SMIM31: variants seen among roughly 807,000 people sequenced by gnomAD.
SMIM31 encodes small integral membrane protein 31, also known as human epithelial cell program regulator.
chr4:164,790,519 G>A (rs887594063), intron 2 of SMIM31, among the ~76,000 whole-genome samples: 1 of 152,036 alleles, frequency 6.6e-6, no homozygotes, highest in African/African-American at 2.4e-5. Flanking sequence ...AAACTCTTAT[G>A]ACTAGAAATA....
chr4:164,779,015 C>T (rs958196712), intron 2 of SMIM31, among the ~76,000 whole-genome samples: 3 of 151,184 alleles, frequency 2.0e-5, no homozygotes, highest in Non-Finnish European at 4.4e-5. Flanking sequence ...AAAACTCCAG[C>T]GCATCAGCTA....
chr4:164,787,983 T>A (rs970890601), intron 2 of SMIM31, among the ~76,000 whole-genome samples: 1 of 152,086 alleles, frequency 6.6e-6, no homozygotes, highest in Non-Finnish European at 1.5e-5. Context: ...CCTGCCTAGG[T>A]TCTACACTCA....
At chr4:164,758,465 C>T (rs1440104607) in intron 1 of SMIM31, among the ~76,000 whole-genome samples, 1 of 152,038 alleles carries the variant, frequency 6.6e-6, no homozygotes, top group African/African-American at 2.4e-5. Context: ...AATAGTCCAC[C>T]TTTAAGTATG....
chr4:164,772,003 G>A (rs1342017410), intron 2 of SMIM31, among the ~76,000 whole-genome samples: 1 of 152,068 alleles, frequency 6.6e-6, no homozygotes, highest in East Asian at 1.9e-4. Flanking sequence ...AAAAAACAAC[G>A]GAAATTTTTA....
Position 164,801,619 on chromosome 4 carries a change from T to A in SMIM31, c.*425T>A, listed in dbSNP as rs766099505. On this transcript the variant is annotated 3_prime_UTR_variant, in exon 3 of 3. Coordinates refer to ENST00000507311, the MANE Select transcript of SMIM31 (RefSeq NM_001352885.1). Reference sequence around the variant, plus strand: ...CCTAACAAATGATAATGAAAAGCTATAAGTAACTGTGTTATTGCTTCCGTA... The same window carrying A: ...CCTAACAAATGATAATGAAAAGCTAAAAGTAACTGTGTTATTGCTTCCGTA... 1.3e-5 allele frequency: 2 copies of A among 152,808 alleles called. No homozygotes were observed. Among genetic ancestry groups the A allele is most frequent in the Non-Finnish European group, 2.9e-5 (2 of 68,514 alleles). 9.5% of individuals were successfully genotyped at this position (152,808 alleles called of 1,614,324 possible). A position where few individuals can be genotyped will look rare whatever the true frequency, so the allele number is the denominator to read the frequency against.
At chr4:164,759,774 A>G (rs527918135) in intron 1 of SMIM31, among the ~76,000 whole-genome samples, 1 of 152,316 alleles carries the variant, frequency 6.6e-6, no homozygotes, top group African/African-American at 2.4e-5. Flanking sequence ...AGCAAACAAA[A>G]CACACAAAAA....
chr4:164,761,524 G>C (rs1317785930), intron 1 of SMIM31, among the ~76,000 whole-genome samples: 4 of 152,188 alleles, frequency 2.6e-5, no homozygotes, highest in Non-Finnish European at 5.9e-5. Flanking sequence ...TAGTTGCAAA[G>C]AGTTGGGTCA....
At chr4:164,772,366 C>T (rs1432087069) in intron 2 of SMIM31, among the ~76,000 whole-genome samples, 1 of 152,124 alleles carries the variant, frequency 6.6e-6, no homozygotes, top group African/African-American at 2.4e-5. Flanking sequence ...TCTCACCAGG[C>T]CCCACCTTCA....
intron 1 of SMIM31, among the ~76,000 whole-genome samples, chr4:164,766,625 C>T (rs1732723629): frequency 6.6e-6 from 1 of 151,750 alleles, no homozygotes; most frequent in South Asian, 2.1e-4. Context: ...GGTGAAACCC[C>T]ATCTCTACTA....
chr4:164,782,368 CTTTCTTTTAT>C (rs1195485685), intron 2 of SMIM31, among the ~76,000 whole-genome samples: 7 of 145,680 alleles, frequency 4.8e-5, no homozygotes, highest in African/African-American at 1.6e-4. Context: ...TACTTTATCT[CTTTCTTTTAT>C]TTTTTTTTTT....
chr4:164,795,063 T>C (rs1445454445), intron 2 of SMIM31, among the ~76,000 whole-genome samples: 1 of 152,060 alleles, frequency 6.6e-6, no homozygotes, highest in Non-Finnish European at 1.5e-5. Flanking sequence ...TACTAATAAA[T>C]CTCTATTTTT....
chr4:164,788,478 C>CTTTTTTTTTTTTTTTTTTTTTTT lies in SMIM31; in HGVS notation c.113-12607_113-12585dup, dbSNP rs72177805. Among the ~76,000 whole-genome samples, 219 of 58,194 alleles carry CTTTTTTTTTTTTTTTTTTTTTTT rather than the reference C, an allele frequency of 3.8e-3. 44 individuals carry two copies. The highest frequency in any genetic ancestry group is 4.8e-3 in the Non-Finnish European group (150 of 31,094). The allele number at this position is 58,194 out of a possible 152,430, so 38.2% of individuals were successfully genotyped here. A position where few individuals can be genotyped will look rare whatever the true frequency, so the allele number is the denominator to read the frequency against. On this transcript the variant is annotated intron_variant, in intron 2 of 2. Transcript: ENST00000507311. ...ATAAAATTTCTTTCTTCTAATTTTTCTTTTTTTTTTTTTTTTTTTTTTTTT... is the reference window on the plus strand; with the variant it reads ...ATAAAATTTCTTTCTTCTAATTTTTCTTTTTTTTTTTTTTTTTTTTTTTTTTTTTTTTTTTTTTTTTTTTTTTT...
chr4:164,767,810 T>C (rs981653709), intron 1 of SMIM31, among the ~76,000 whole-genome samples: 21 of 152,222 alleles, frequency 1.4e-4, no homozygotes, highest in Non-Finnish European at 2.5e-4. Context: ...TCCATAATCA[T>C]AGATGTCTGA....
chr4:164,762,566 A>T (rs1560823598), intron 1 of SMIM31, among the ~76,000 whole-genome samples: 1 of 151,316 alleles, frequency 6.6e-6, no homozygotes, highest in African/African-American at 2.4e-5. Context: ...AAAATACTAA[A>T]ATATATATAT....
chr4:164,769,407 C>T (rs1226560510), intron 1 of SMIM31, among the ~76,000 whole-genome samples: 1 of 152,058 alleles, frequency 6.6e-6, no homozygotes, highest in Non-Finnish European at 1.5e-5. Flanking sequence ...ATAAAAACTC[C>T]TCTCCCATAA....
intron 1 of SMIM31, among the ~76,000 whole-genome samples, chr4:164,758,622 C>CTTTTTTTG (rs1732598819): frequency 9.5e-6 from 1 of 105,390 alleles, no homozygotes; most frequent in African/African-American, 3.2e-5. Context: ...TGTAGTTTTC[C>CTTTTTTTG]TTTTTTTGTT....
At chr4:164,783,232 A>AAAAAAAAAAC (rs147369524) in intron 2 of SMIM31, among the ~76,000 whole-genome samples, 5 of 127,224 alleles carry the variant, frequency 3.9e-5, no homozygotes, top group African/African-American at 6.0e-5. Context: ...AAAAAAAAAA[A>AAAAAAAAAAC]GGAATTTCTG....
At chr4:164,785,648 GTGTA>G (rs968436823) in intron 2 of SMIM31, among the ~76,000 whole-genome samples, 80 of 150,552 alleles carry the variant, frequency 5.3e-4, no homozygotes, top group African/African-American at 9.2e-4. Flanking sequence ...GTGTGTGTGT[GTGTA>G]TATATATATA....
intron 2 of SMIM31, among the ~76,000 whole-genome samples, chr4:164,781,645 A>G (rs899582883): frequency 6.6e-5 from 10 of 152,028 alleles, no homozygotes; most frequent in Admixed American, 1.3e-4. Context: ...TCCATGTTGC[A>G]CTTCCCCAAC....
Sources: gnomAD v4.1 joint callset for allele counts (sites outside exome capture counted in the v4.1 genomes callset) on GRCh38, gnomAD v4.1.1 for gene constraint, MANE v1.5 for transcripts, NCBI Gene and HGNC (gene_info 2026-07-23, HGNC 2026-07-21) for gene names.